The following AGBL4 variants were observed in gnomAD, a reference collection of about 807,000 sequenced individuals.
AGBL4 encodes the protein cytosolic carboxypeptidase 6.
In AGBL4, 58 loss-of-function variants were observed where a neutral mutation model predicts 66.4. The ratio of observed to expected loss-of-function variants is 0.87; its 90% CI spans 0.71 to 1.09. AGBL4 has a LOEUF of 1.09. AGBL4 is among the 50% of genes least tolerant of loss of function. The probability of loss-of-function intolerance (pLI) is 0.00; values close to 1 mark genes in which losing one functional copy is unlikely to be tolerated. For synonymous variants in AGBL4, 234 were observed against 222.9 expected (o/e 1.05, Z -0.44); for missense variants, 579 against 631.0 (o/e 0.92, Z 0.88).
At chr1:49,445,106 A>G (rs1646124453) in intron 3 of AGBL4, among the ~76,000 whole-genome samples, 1 of 151,870 alleles carries the variant, frequency 6.6e-6, no homozygotes, top group African/African-American at 2.4e-5. Flanking sequence ...TTCATTTATG[A>G]AAGATTTCTT....
At chr1:49,836,019 T>C (rs1571678704) in intron 2 of AGBL4, among the ~76,000 whole-genome samples, 1 of 152,212 alleles carries the variant, frequency 6.6e-6, no homozygotes, top group South Asian at 2.1e-4. Flanking sequence ...CATTTTTTCC[T>C]TTATTTCAAC....
chr1:48,534,337 A>G lies in AGBL4; in HGVS notation c.1392-44T>C. The G allele has an allele frequency of 3.3e-6, 5 of 1,520,584 alleles. No individual in the cohort carries two copies. In the South Asian group the frequency reaches 5.1e-5, roughly 15 times the overall value. 94.2% of individuals were successfully genotyped at this position (1,520,584 alleles called of 1,614,324 possible). A position where few individuals can be genotyped will look rare whatever the true frequency, so the allele number is the denominator to read the frequency against. ...CAGAAAGAGAGAAGACAGCCCATAT[A>G]CACACTGTGATGAAATCATTTGTGT... is the stretch of plus-strand genomic sequence containing the variant. On this transcript the variant is annotated intron_variant, in intron 13 of 13. Transcript: ENST00000371839.
chr1:48,587,187 A>C (rs1395756415), intron 10 of AGBL4, 21 bp from the exon 11 acceptor site: 1 of 1,533,136 alleles, frequency 6.5e-7, no homozygotes, highest in African/African-American at 1.4e-5. Flanking sequence ...CAGAGTAGGG[A>C]GGAGAGAATC....
At chr1:49,081,139 G>C (rs1269911222) in intron 4 of AGBL4, among the ~76,000 whole-genome samples, 1 of 152,008 alleles carries the variant, frequency 6.6e-6, no homozygotes, top group Non-Finnish European at 1.5e-5. Flanking sequence ...CAAAACTCAA[G>C]GGAATATAAA....
At chr1:48,962,998 T>G (rs1658125092) in intron 5 of AGBL4, among the ~76,000 whole-genome samples, 1 of 145,304 alleles carries the variant, frequency 6.9e-6, no homozygotes, top group South Asian at 2.1e-4. Flanking sequence ...CAATATTATT[T>G]TTACTATTAT....
intron 3 of AGBL4, among the ~76,000 whole-genome samples, chr1:49,650,652 T>C (rs978864599): frequency 6.6e-6 from 1 of 152,214 alleles, no homozygotes; most frequent in African/African-American, 2.4e-5. Flanking sequence ...CTTCTCTGAC[T>C]TTGGCAACTA....
intron 6 of AGBL4, among the ~76,000 whole-genome samples, chr1:48,678,200 C>T (rs1468214125): frequency 6.6e-6 from 1 of 152,164 alleles, no homozygotes; most frequent in Admixed American, 6.5e-5. Flanking sequence ...AGCTGCTGGC[C>T]ACAGCCAGGG....
At chr1:49,311,050 C>T (rs1644933483) in intron 3 of AGBL4, among the ~76,000 whole-genome samples, 1 of 151,984 alleles carries the variant, frequency 6.6e-6, no homozygotes, top group Admixed American at 6.6e-5. Flanking sequence ...AGTTGGCATA[C>T]TAATAGTACC....
intron 9 of AGBL4, among the ~76,000 whole-genome samples, chr1:48,629,718 G>T (rs140896763): frequency 6.6e-6 from 1 of 152,144 alleles, no homozygotes; most frequent in Admixed American, 6.5e-5. Flanking sequence ...ATGGGAATGG[G>T]AGTGGGTGAT....
chr1:48,755,780 A>T (rs936503787), intron 6 of AGBL4, among the ~76,000 whole-genome samples: 1 of 152,144 alleles, frequency 6.6e-6, no homozygotes. Flanking sequence ...GTTTACCTCC[A>T]TCACTACCCT....
intron 3 of AGBL4, among the ~76,000 whole-genome samples, chr1:49,291,596 A>C (rs241459): frequency 0.69 from 105,580 of 152,150 alleles, 37,523 homozygotes; most frequent in African/African-American, 0.81. Context: ...TTAGAACAAG[A>C]AAACTAATCT....
At chr1:49,122,206 A>C (rs777581085) in intron 4 of AGBL4, among the ~76,000 whole-genome samples, 1 of 152,092 alleles carries the variant, frequency 6.6e-6, no homozygotes, top group Non-Finnish European at 1.5e-5. Context: ...CTCGCCCTCC[A>C]TGGGCTGCAT....
intron 5 of AGBL4, among the ~76,000 whole-genome samples, chr1:49,009,776 A>C (rs958630148): frequency 5.3e-5 from 8 of 151,892 alleles, no homozygotes; most frequent in African/African-American, 1.9e-4. Context: ...AAAGACAAAA[A>C]CCACATGATT....
chr1:48,808,961 G>GA, intron 6 of AGBL4, among the ~76,000 whole-genome samples: 1 of 152,328 alleles, frequency 6.6e-6, no homozygotes, highest in South Asian at 2.1e-4. Flanking sequence ...TAAGATTCCA[G>GA]AATGAGAAAC....
At chr1:48,857,732 GAA>G (rs1201153634) in intron 6 of AGBL4, among the ~76,000 whole-genome samples, 3 of 151,986 alleles carry the variant, frequency 2.0e-5, no homozygotes, top group Admixed American at 6.6e-5. Context: ...AAAAAAAAGA[GAA>G]GAGAGCATAG....
rs1655332598 is a variant in AGBL4, at chr1:49,947,561, T to C, written c.34+76202A>G. ...CATATCTCGTTGTAAAAAAAAGCCA[T>C]CTATGACAAATCCACAGCCAACATT... On this transcript the variant is annotated intron_variant, in intron 1 of 13. Coordinates refer to ENST00000371839, the MANE Select transcript of AGBL4 (RefSeq NM_032785.4). Among the ~76,000 whole-genome samples, 4 of 151,726 alleles carry C rather than the reference T, an allele frequency of 2.6e-5. No homozygotes were observed. In the South Asian group the frequency reaches 6.2e-4, roughly 24 times the overall value.
intron 3 of AGBL4, among the ~76,000 whole-genome samples, chr1:49,395,850 C>T (rs201129977): frequency 0.29 from 9,245 of 31,782 alleles, 399 homozygotes; most frequent in African/African-American, 0.4. Flanking sequence ...TATATATATA[C>T]ACACATAAAT....
intron 3 of AGBL4, among the ~76,000 whole-genome samples, chr1:49,366,606 C>G (rs1644246268): frequency 6.6e-6 from 1 of 152,152 alleles, no homozygotes; most frequent in African/African-American, 2.4e-5. Context: ...AGACACTTAT[C>G]TGTACCCTCC....
intron 4 of AGBL4, among the ~76,000 whole-genome samples, chr1:49,240,557 T>C (rs1233919738): frequency 3.1e-4 from 47 of 151,206 alleles, no homozygotes; most frequent in African/African-American, 1.1e-3. Context: ...TTTTCTTTTT[T>C]TTTTTTTTTT....
Sources: allele counts gnomAD v4.1 joint callset (sites outside exome capture counted in the v4.1 genomes callset), GRCh38; gene constraint gnomAD v4.1.1; transcripts MANE v1.5; gene names NCBI Gene and HGNC (gene_info 2026-07-23, HGNC 2026-07-21).